SAMD13: variants seen among roughly 807,000 people sequenced by gnomAD.
SAMD13 encodes the protein sterile alpha motif domain-containing protein 13.
In SAMD13, 9 loss-of-function variants were observed where a neutral mutation model predicts 12.4. The ratio of observed to expected loss-of-function variants is 0.72; its 90% confidence interval spans 0.44 to 1.26. SAMD13 has a LOEUF of 1.26. Ranked by LOEUF, SAMD13 falls within the 50% of genes most tolerant of loss-of-function variation. The pLI, the probability that SAMD13 is intolerant of heterozygous loss-of-function variation, is 0.00. For synonymous variants in SAMD13, 46 were observed against 45.4 expected, an observed-to-expected ratio of 1.01 and a Z score of -0.05; for missense variants, 84 against 119.6, an observed-to-expected ratio of 0.70 and a Z score of 1.39.
At chr1:84,346,119 T>C (rs556455907) in intron 3 of SAMD13, among the ~76,000 whole-genome samples, 2 of 152,214 alleles carry the variant, frequency 1.3e-5, no homozygotes, top group East Asian at 1.9e-4. Context: ...GTAGTTACTT[T>C]CCCCCATCAC....
At chr1:84,344,478 C>T (rs1037010312) in intron 3 of SAMD13, among the ~76,000 whole-genome samples, 3 of 152,050 alleles carry the variant, frequency 2.0e-5, no homozygotes, top group African/African-American at 7.2e-5. Context: ...AGAAGGTGGG[C>T]GGGAGTGGAG....
chr1:84,329,437 T>C (rs1023221056), intron 3 of SAMD13, among the ~76,000 whole-genome samples: 44 of 152,206 alleles, frequency 2.9e-4, no homozygotes, highest in Admixed American at 5.9e-4. Context: ...TGTGGTCTCA[T>C]AGCACAGTAT....
Position 84,309,378 on chromosome 1 carries a change from A to G in SAMD13, c.53+6091A>G, listed in dbSNP as rs188768216. Among the ~76,000 whole-genome samples the G allele has an allele frequency of 8.0e-4, 122 of 152,324 alleles. 1 individual carries two copies. Among genetic ancestry groups the G allele is most frequent in the African/African-American group, 2.8e-3 (118 of 41,578 alleles). ...AGGAGGAAAAGGATAATTGAGACAC[A>G]TATGTCAGGTCTTCTCATTTCAAAT... On this transcript the variant is annotated intron_variant, in intron 2 of 3. Coordinates refer to ENST00000394834, the MANE Select transcript of SAMD13 (RefSeq NM_001134663.2).
intron 3 of SAMD13, among the ~76,000 whole-genome samples, chr1:84,327,472 A>G (rs1679083196): frequency 6.6e-6 from 1 of 152,060 alleles, no homozygotes. Flanking sequence ...AGTATGAGGG[A>G]AATTTCTGGG....
At chr1:84,313,216 A>T (rs74095535) in intron 2 of SAMD13, among the ~76,000 whole-genome samples, 2,192 of 152,298 alleles carry the variant, frequency 0.014, 52 homozygotes, top group African/African-American at 0.05. Flanking sequence ...ATGGGAGCAT[A>T]CACAAAAATG....
intron 3 of SAMD13, among the ~76,000 whole-genome samples, chr1:84,328,793 C>T (rs1008686068): frequency 6.6e-6 from 1 of 152,110 alleles, no homozygotes; most frequent in Admixed American, 6.5e-5. Flanking sequence ...AAGGTACATG[C>T]AGGTACATGC....
At chr1:84,311,023 A>C (rs1678697162) in intron 2 of SAMD13, among the ~76,000 whole-genome samples, 1 of 152,184 alleles carries the variant, frequency 6.6e-6, no homozygotes, top group African/African-American at 2.4e-5. Flanking sequence ...AAAGTTATTC[A>C]GTCGTTTTTG....
intron 3 of SAMD13, among the ~76,000 whole-genome samples, chr1:84,337,650 G>A (rs1296028477): frequency 6.6e-6 from 1 of 152,186 alleles, no homozygotes; most frequent in Non-Finnish European, 1.5e-5. Flanking sequence ...ATGCCCTGGA[G>A]ACATTTTCCC....
intron 3 of SAMD13, among the ~76,000 whole-genome samples, chr1:84,343,174 G>C (rs315529): frequency 0.35 from 53,677 of 152,046 alleles, 9,892 homozygotes; most frequent in Middle Eastern, 0.43. Flanking sequence ...ACACCAGTCA[G>C]AATGGCAATT....
intron 2 of SAMD13, among the ~76,000 whole-genome samples, chr1:84,313,652 C>T (rs778465848): frequency 3.9e-5 from 6 of 152,076 alleles, no homozygotes; most frequent in African/African-American, 1.2e-4. Context: ...ACCATGCCCC[C>T]GAGCCCCTCA....
chr1:84,331,661 A>G (rs1478126467), intron 3 of SAMD13, among the ~76,000 whole-genome samples: 1 of 152,178 alleles, frequency 6.6e-6, no homozygotes, highest in African/African-American at 2.4e-5. Flanking sequence ...GTGAAATCTC[A>G]AATAAGTGGG....
At chr1:84,343,881 T>A (rs1052895758) in intron 3 of SAMD13, among the ~76,000 whole-genome samples, 33 of 152,094 alleles carry the variant, frequency 2.2e-4, no homozygotes, top group African/African-American at 4.6e-4. Flanking sequence ...TTAAAAAAAA[T>A]TTTTAATCAG....
At chr1:84,311,838 T>C (rs1268557068) in intron 2 of SAMD13, among the ~76,000 whole-genome samples, 1 of 152,226 alleles carries the variant, frequency 6.6e-6, no homozygotes, top group Non-Finnish European at 1.5e-5. Flanking sequence ...ACCATGAATT[T>C]AGTTTTTCAA....
intron 2 of SAMD13, among the ~76,000 whole-genome samples, chr1:84,313,133 CTATG>C (rs1678751262): frequency 6.6e-6 from 1 of 152,056 alleles, no homozygotes; most frequent in Non-Finnish European, 1.5e-5. Flanking sequence ...TGCACATACT[CTATG>C]TATCCACATG....
At chr1:84,329,001 T>G (rs1679119640) in intron 3 of SAMD13, among the ~76,000 whole-genome samples, 1 of 152,150 alleles carries the variant, frequency 6.6e-6, no homozygotes, top group Non-Finnish European at 1.5e-5. Context: ...TATTATGAGC[T>G]GAATGTTTAT....
chr1:84,303,499 T>C (rs922142503), intron 2 of SAMD13: 18 of 436,558 alleles, frequency 4.1e-5, no homozygotes, highest in Non-Finnish European at 7.3e-5. Context: ...CATCAAAATA[T>C]ATATGAAAGG....
chr1:84,331,354 A>ATAC lies in SAMD13; in HGVS notation c.165+5606_165+5607insTAC, dbSNP rs1553201703. Among the ~76,000 whole-genome samples the ATAC allele has an allele frequency of 6.4e-3, 529 of 82,434 alleles. 103 individuals are homozygous for ATAC. Among genetic ancestry groups the ATAC allele is most frequent in the Middle Eastern group, 0.039 (4 of 102 alleles). The allele number at this position is 82,434 out of a possible 152,430, so 54.1% of individuals were successfully genotyped here. ...AAAAAAAAAAAAAAAAAAAAAAAAA[A>ATAC]AAAATTATGGATACAAACTTGTTAA... On this transcript the variant is annotated intron_variant, in intron 3 of 3. Coordinates refer to ENST00000394834, the MANE Select transcript of SAMD13 (RefSeq NM_001134663.2).
At chr1:84,340,340 C>T (rs1679396264) in intron 3 of SAMD13, among the ~76,000 whole-genome samples, 1 of 152,064 alleles carries the variant, frequency 6.6e-6, no homozygotes, top group African/African-American at 2.4e-5. Flanking sequence ...TTGCATAATT[C>T]CACTTACATG....
intron 3 of SAMD13, among the ~76,000 whole-genome samples, chr1:84,336,592 C>G (rs1679296271): frequency 6.6e-6 from 1 of 152,146 alleles, no homozygotes; most frequent in Non-Finnish European, 1.5e-5. Context: ...CAATTACCTC[C>G]CACCGGGTCC....
Sources: allele counts gnomAD v4.1 joint callset (sites outside exome capture counted in the v4.1 genomes callset), GRCh38; gene constraint gnomAD v4.1.1; transcripts MANE v1.5; gene names NCBI Gene and HGNC (gene_info 2026-07-23, HGNC 2026-07-21).